Variants in SIK3 observed in about 807,000 individuals in gnomAD.
SIK3 encodes the protein SIK family kinase 3.
Under a neutral mutation model 144.2 loss-of-function variants are expected in SIK3, and 28 were observed. The observed-to-expected ratio is 0.19, with a 90% CI of 0.14 to 0.27. The LOEUF is 0.27. Ranked by LOEUF, SIK3 falls within the 10% of genes least tolerant of loss-of-function variation. SIK3 has a pLI of 1.00. For synonymous variants in SIK3, 686 were observed against 676.3 expected (o/e 1.01, Z -0.22); for missense variants, 1,319 against 1,776.0 (o/e 0.74, Z 4.62).
intron 4 of SIK3, among the ~76,000 whole-genome samples, chr11:116,911,116 A>G (rs1946318813): frequency 6.6e-6 from 1 of 152,176 alleles, no homozygotes; most frequent in African/African-American, 2.4e-5. Context: ...CCTGGGTGAC[A>G]GAGCGAAACC....
intron 1 of SIK3, among the ~76,000 whole-genome samples, chr11:117,093,092 T>C (rs768704316): frequency 9.9e-5 from 15 of 152,254 alleles, no homozygotes; most frequent in Non-Finnish European, 2.9e-5. Flanking sequence ...CATCTTTCAA[T>C]AGTCACTTCT....
intron 1 of SIK3, among the ~76,000 whole-genome samples, chr11:117,065,402 A>T (rs949117687): frequency 1.3e-5 from 2 of 152,028 alleles, no homozygotes; most frequent in African/African-American, 4.8e-5. Flanking sequence ...CATCATGTTA[A>T]TAAAAGAAAT....
chr11:116,916,512 ATT>A (rs372061347), intron 4 of SIK3, among the ~76,000 whole-genome samples: 6 of 141,286 alleles, frequency 4.2e-5, no homozygotes, highest in Non-Finnish European at 3.1e-5. Flanking sequence ...ATCACATCAA[ATT>A]TTTTTTTTTT....
intron 1 of SIK3, among the ~76,000 whole-genome samples, chr11:116,986,100 G>A (rs559323949): frequency 1.3e-4 from 20 of 152,072 alleles, no homozygotes; most frequent in Non-Finnish European, 2.2e-4. Flanking sequence ...GACATATAGC[G>A]TTTACTTCAG....
chr11:116,985,197 G>C (rs1565527810), intron 1 of SIK3, among the ~76,000 whole-genome samples: 1 of 152,162 alleles, frequency 6.6e-6, no homozygotes, highest in East Asian at 1.9e-4. Context: ...AGCCTAATGA[G>C]ATGTTACCAA....
intron 4 of SIK3, among the ~76,000 whole-genome samples, chr11:116,900,585 C>T (rs551789253): frequency 2.0e-5 from 3 of 152,300 alleles, no homozygotes; most frequent in East Asian, 1.9e-4. Context: ...CCAATTTATC[C>T]CTGGCCATGC....
intron 6 of SIK3, among the ~76,000 whole-genome samples, chr11:116,883,670 A>G (rs1349848081): frequency 6.6e-6 from 1 of 152,238 alleles, no homozygotes; most frequent in Non-Finnish European, 1.5e-5. Context: ...ATGGTGGCTC[A>G]CGCCTATAAT....
chr11:117,014,292 ATT>A (rs1167313430), intron 1 of SIK3, among the ~76,000 whole-genome samples: 1 of 151,946 alleles, frequency 6.6e-6, no homozygotes, highest in Non-Finnish European at 1.5e-5. Flanking sequence ...CACAATAAAT[ATT>A]TGTTTACTAA....
At chr11:116,862,368 C>T (rs1282291598) in intron 16 of SIK3, 41 bp from the exon 17 acceptor site, 2 of 1,612,982 alleles carry the variant, frequency 1.2e-6, no homozygotes, top group South Asian at 1.1e-5. Context: ...TGCAGCCAGA[C>T]CCGCCTCATG....
intron 4 of SIK3, among the ~76,000 whole-genome samples, chr11:116,898,341 A>G (rs1288408459): frequency 6.6e-6 from 1 of 152,126 alleles, no homozygotes; most frequent in African/African-American, 2.4e-5. Context: ...TCCATGGTGT[A>G]TATGTGACAC....
chr11:117,094,386 C>G (rs1955380104), intron 1 of SIK3, among the ~76,000 whole-genome samples: 1 of 152,092 alleles, frequency 6.6e-6, no homozygotes, highest in Admixed American at 6.6e-5. Context: ...AGGAGGATCA[C>G]TTGAGTCCAG....
intron 1 of SIK3, among the ~76,000 whole-genome samples, chr11:116,996,905 C>T (rs1950689064): frequency 1.3e-5 from 2 of 149,336 alleles, no homozygotes; most frequent in Admixed American, 1.3e-4. Flanking sequence ...TGCTATCTAG[C>T]TATTCTCAAT....
intron 1 of SIK3, among the ~76,000 whole-genome samples, chr11:116,976,940 T>A (rs1224833706): frequency 6.6e-6 from 1 of 152,240 alleles, no homozygotes; most frequent in Admixed American, 6.5e-5. Context: ...TAGTTTGGAC[T>A]AGTCATCCAG....
At chr11:116,898,195 A>G (rs1466210086) in intron 4 of SIK3, among the ~76,000 whole-genome samples, 4 of 151,666 alleles carry the variant, frequency 2.6e-5, no homozygotes, top group South Asian at 2.1e-4. Context: ...TCATTGTTCA[A>G]TTCCCACCTA....
At chr11:117,028,429 T>A (rs918090388) in intron 1 of SIK3, among the ~76,000 whole-genome samples, 1 of 151,996 alleles carries the variant, frequency 6.6e-6, no homozygotes, top group Admixed American at 6.6e-5. Context: ...TCTAGTATAA[T>A]AGGGACAGCT....
In SIK3 at chr11:116,862,251, A is replaced by G; in HGVS notation, c.2180T>C (p.Met727Thr). ...RTLEKTQQQH[M>T]LYQQEQHHQI... is the part of the protein sequence containing the mutation. ...ATGGTGCTGCTCCTGCTGGTATAAC[A>G]TATGCTGCTGCTGGGTCTTCTCCAG... is the stretch of plus-strand genomic sequence containing the variant. The change falls in exon 17 of 25, where the codon ATG becomes ACG. Residue 727 changes from methionine (M) to threonine (T), a missense_variant. Physicochemically the swap from Met to Thr is moderately conservative, Grantham distance 81. Transcript: ENST00000445177. The G allele has an allele frequency of 6.2e-7, 1 of 1,614,206 alleles. No homozygotes were observed. Among genetic ancestry groups the G allele is most frequent in the Non-Finnish European group, 8.5e-7 (1 of 1,180,040 alleles).
intron 1 of SIK3, among the ~76,000 whole-genome samples, chr11:117,008,628 T>A (rs1951140349): frequency 6.6e-6 from 1 of 152,188 alleles, no homozygotes; most frequent in Non-Finnish European, 1.5e-5. Context: ...TTAAAAATAT[T>A]AATCTCAAAC....
intron 21 of SIK3, chr11:116,855,647 T>G (rs1432769966): frequency 6.6e-6 from 1 of 152,300 alleles, no homozygotes; most frequent in Non-Finnish European, 1.5e-5. Flanking sequence ...CACTGTTTGC[T>G]GCAGCTATGC....
chr11:117,053,386 G>A (rs999975907), intron 1 of SIK3, among the ~76,000 whole-genome samples: 2 of 151,328 alleles, frequency 1.3e-5, no homozygotes. Context: ...AGGTAAGTAT[G>A]TAAGAAATGC....
Sources: allele counts gnomAD v4.1 joint callset (sites outside exome capture counted in the v4.1 genomes callset), GRCh38; gene constraint gnomAD v4.1.1; transcripts MANE v1.5; gene names NCBI Gene and HGNC (gene_info 2026-07-23, HGNC 2026-07-21).